AASDH: variants seen among roughly 807,000 people sequenced by gnomAD.
The protein encoded by AASDH is beta-alanine-activating enzyme.
A neutral mutation model predicts 102.3 loss-of-function variants in AASDH; 81 were observed. That is an observed-to-expected ratio of 0.79 (90% CI 0.66 to 0.95). The LOEUF is 0.95. Among genes scored for constraint, AASDH ranks in the 40% least tolerant of loss-of-function variants. AASDH has a pLI of 0.00. For missense variants in AASDH, 1,203 were observed against 1,266.2 expected (o/e 0.95, Z 0.76); for synonymous variants, 398 against 454.0 (o/e 0.88, Z 1.57).
rs763437181 is a variant in AASDH at position 56,353,603 on chromosome 4, G to C, written c.1384-7C>G. ...GCTGAAGCTCTTCAGCAACCTATAA[G>C]AGAGATTATCCTAATTTGCCAATGA... On this transcript the variant is annotated splice_region_variant and splice_polypyrimidine_tract_variant and intron_variant, in intron 8 of 14. Transcript: ENST00000205214. 2.5e-6 allele frequency: 4 copies of C among 1,580,506 alleles called. No individual in the cohort carries two copies. Among genetic ancestry groups the C allele is most frequent in the Non-Finnish European group, 3.4e-6 (4 of 1,171,186 alleles).
At chr4:56,371,747 G>A in intron 4 of AASDH, 104 bp from the exon 5 acceptor site, 1 of 1,086,256 alleles carries the variant, frequency 9.2e-7, no homozygotes, top group Non-Finnish European at 1.2e-6. Flanking sequence ...TCTGAATGTT[G>A]GCCAGATTTT....
At chr4:56,375,413 A>T (rs569481020) in intron 4 of AASDH, among the ~76,000 whole-genome samples, 96 of 152,346 alleles carry the variant, frequency 6.3e-4, no homozygotes, top group African/African-American at 2.2e-3. Context: ...TAAATTGACT[A>T]CTTTAACATT....
chr4:56,382,574 T>C lies in AASDH; in HGVS notation c.254A>G (p.Tyr85Cys). The C allele has an allele frequency of 1.9e-6, 3 of 1,610,684 alleles. No homozygotes were observed. The highest frequency in any genetic ancestry group is 3.3e-4 in the Middle Eastern group (2 of 6,050). The change falls in exon 3 of 15, where the codon TAT becomes TGT. Residue 85 changes from tyrosine (Y) to cysteine (C), a missense_variant. Physicochemically the swap from Tyr to Cys is radical, Grantham distance 194. Transcript: ENST00000205214. ...TGGTGAATCTGGCTCGATAGGTACA[T>C]AAGCAGCCGGGACTTGGAGAATTCT... ...ILGILQVPAAYVPIEPDSPPS... is the reference protein window; with the variant it reads ...ILGILQVPAACVPIEPDSPPS...
At chr4:56,372,991 C>G (rs1190937635) in intron 4 of AASDH, among the ~76,000 whole-genome samples, 1 of 152,168 alleles carries the variant, frequency 6.6e-6, no homozygotes, top group Non-Finnish European at 1.5e-5. Context: ...CCTGGCCTCT[C>G]TGTGTGGCAT....
chr4:56,368,242 G>C (rs913196599), intron 5 of AASDH, among the ~76,000 whole-genome samples: 2 of 152,180 alleles, frequency 1.3e-5, no homozygotes, highest in Admixed American at 6.5e-5. Context: ...AGGATGTGGA[G>C]AAATAGGAAC....
At chr4:56,380,143 G>T (rs55778537) in intron 3 of AASDH, among the ~76,000 whole-genome samples, 12,886 of 152,182 alleles carry the variant, frequency 0.085, 710 homozygotes, top group East Asian at 0.25. Flanking sequence ...GTTAGAAAGG[G>T]TCTATGAGCA....
At chr4:56,356,012 G>C in intron 5 of AASDH, 1 of 492,668 alleles carries the variant, frequency 2.0e-6, no homozygotes, top group Non-Finnish European at 3.6e-6. Context: ...TACACAAAAA[G>C]GTTTAGGATA....
chr4:56,381,237 A>G (rs1752911814), intron 3 of AASDH, among the ~76,000 whole-genome samples: 1 of 152,192 alleles, frequency 6.6e-6, no homozygotes, highest in Non-Finnish European at 1.5e-5. Flanking sequence ...GGAGTAGAGG[A>G]AATTTCGGCT....
chr4:56,343,682 T>C lies in AASDH; in HGVS notation c.2655A>G (p.Arg885=). 3 of 1,606,846 alleles carry C rather than the reference T, an allele frequency of 1.9e-6. No homozygotes were observed. The highest frequency in any genetic ancestry group is 2.5e-6 in the Non-Finnish European group (3 of 1,176,870). Residue 885 remains arginine (R), a splice_region_variant and synonymous_variant, in exon 13 of 15, where the codon AGA becomes AGG. Coordinates refer to ENST00000205214, the MANE Select transcript of AASDH (RefSeq NM_181806.4). ...DQHAYALDIY[R]KKCVWKSKCG... is the part of the protein sequence containing the mutation. ...ATTTTGACTTCCAAACACACTTCTT[T>C]CTCTGCAAATAAGAAAACAAATTAA... is the stretch of plus-strand genomic sequence containing the variant.
chr4:56,378,544 C>T, intron 3 of AASDH, 80 bp from the exon 4 acceptor site: 1 of 1,204,428 alleles, frequency 8.3e-7, no homozygotes, highest in Non-Finnish European at 1.1e-6. Flanking sequence ...ATATGAAATA[C>T]AGTCATCCCT....
intron 12 of AASDH, among the ~76,000 whole-genome samples, chr4:56,344,073 CATAA>C (rs779165126): frequency 1.3e-5 from 2 of 152,098 alleles, no homozygotes; most frequent in African/African-American, 2.4e-5. Flanking sequence ...CCCATATGAA[CATAA>C]ATAATTTCTC....
chr4:56,379,063 T>C (rs910629410), intron 3 of AASDH, among the ~76,000 whole-genome samples: 1 of 151,890 alleles, frequency 6.6e-6, no homozygotes, highest in African/African-American at 2.4e-5. Flanking sequence ...TTTTTGTATT[T>C]TTTTTAGCAG....
intron 5 of AASDH, among the ~76,000 whole-genome samples, chr4:56,366,097 T>C (rs1193105262): frequency 6.6e-6 from 1 of 152,232 alleles, no homozygotes; most frequent in African/African-American, 2.4e-5. Flanking sequence ...AACACCTCTA[T>C]GCAAATAAAC....
intron 9 of AASDH, 85 bp downstream of exon 9, chr4:56,353,319 T>C: frequency 8.8e-7 from 1 of 1,138,008 alleles, no homozygotes; most frequent in South Asian, 1.8e-5. Context: ...TTTATAAAAA[T>C]AAAGATTTAT....
At chr4:56,350,381 G>C (rs1027500563) in intron 10 of AASDH, among the ~76,000 whole-genome samples, 2 of 152,182 alleles carry the variant, frequency 1.3e-5, no homozygotes, top group Middle Eastern at 3.4e-3. Context: ...TTGAACCCAG[G>C]GGGTGGAGGT....
At position 56,338,750 on chromosome 4, in the gene AASDH, C is replaced by T. The variant is rs375807933; in HGVS notation, c.2949G>A (p.Pro983=). 1.2e-4 allele frequency: 201 copies of T among 1,614,046 alleles called. 1 individual carries two copies. In the African/African-American group the frequency reaches 1.5e-3, roughly 12 times the overall value. The part of the protein sequence containing the change: ...FSTSGPIFSS[P]CTSPSEQKIF... Reference sequence around the variant, plus strand: ...TTTTTTGCTCTGATGGTGAGGTACACGGGGATGAAAAGATTGGTCCACTGG... The same window carrying T: ...TTTTTTGCTCTGATGGTGAGGTACATGGGGATGAAAAGATTGGTCCACTGG... Residue 983 remains proline, a synonymous_variant, in exon 15 of 15, where the codon CCG becomes CCA. Coordinates refer to ENST00000205214, the MANE Select transcript of AASDH (RefSeq NM_181806.4).
chr4:56,344,673 C>T (rs1748111586), intron 12 of AASDH, among the ~76,000 whole-genome samples: 1 of 151,964 alleles, frequency 6.6e-6, no homozygotes, highest in African/African-American at 2.4e-5. Context: ...TTTTTTTCTA[C>T]TGTCAAGATG....
chr4:56,350,872 T>C (rs184254649), intron 10 of AASDH, among the ~76,000 whole-genome samples: 2 of 152,350 alleles, frequency 1.3e-5, no homozygotes, highest in Non-Finnish European at 2.9e-5. Flanking sequence ...ACATTTTATT[T>C]AAGAAAAATT....
chr4:56,356,398 G>A (rs1433341795), intron 5 of AASDH: 17 of 1,591,798 alleles, frequency 1.1e-5, no homozygotes, highest in Middle Eastern at 2.0e-4. Flanking sequence ...GCCCTGGACC[G>A]CCAAACAGCT....
Sources: gnomAD v4.1 joint callset for allele counts (sites outside exome capture counted in the v4.1 genomes callset) on GRCh38, gnomAD v4.1.1 for gene constraint, MANE v1.5 for transcripts, NCBI Gene and HGNC (gene_info 2026-07-23, HGNC 2026-07-21) for gene names.